Variants in ITGAE observed in about 807,000 individuals in gnomAD.
ITGAE encodes integrin alpha-E.
ITGAE carries 99 observed loss-of-function variants against 136.5 expected under a neutral mutation model. The observed-to-expected ratio is 0.73, with a 90% CI of 0.62 to 0.86. ITGAE has a LOEUF of 0.86. ITGAE is among the 40% of genes least tolerant of loss of function. The pLI is 0.00. For synonymous variants in ITGAE, 613 were observed against 591.8 expected, an observed-to-expected ratio of 1.04 and a Z score of -0.52; for missense variants, 1,447 against 1,515.3, an observed-to-expected ratio of 0.95 and a Z score of 0.75.
chr17:3,761,622 G>T, intron 4 of ITGAE, 102 bp from the exon 5 acceptor site: 1 of 1,098,952 alleles, frequency 9.1e-7, no homozygotes, highest in Non-Finnish European at 1.3e-6. Flanking sequence ...GGCTCAACCA[G>T]GCAGGGGGCA....
chr17:3,774,040 C>T (rs1226970045), intron 2 of ITGAE, among the ~76,000 whole-genome samples: 1 of 152,092 alleles, frequency 6.6e-6, no homozygotes, highest in Non-Finnish European at 1.5e-5. Context: ...TCCAAGTCTG[C>T]CTGGCTGTCA....
chr17:3,738,072 G>A (rs538289149), intron 20 of ITGAE, among the ~76,000 whole-genome samples: 14 of 152,264 alleles, frequency 9.2e-5, no homozygotes, highest in African/African-American at 2.9e-4. Flanking sequence ...GGGGAACTGC[G>A]TTCTTCCCCA....
Position 3,723,289 on chromosome 17 carries a change from T to G in ITGAE, c.3236A>C (p.Glu1079Ala), listed in dbSNP as rs775656147. 1.2e-6 allele frequency: 2 copies of G among 1,604,972 alleles called. No homozygotes were observed. The highest frequency in any genetic ancestry group is 8.5e-7 in the Non-Finnish European group (1 of 1,171,666). The change falls in exon 28 of 31, where the codon GAG becomes GCG. Residue 1079 changes from glutamate (E) to alanine (A), a missense_variant and splice_region_variant. Physicochemically the swap from Glu to Ala is moderately radical, Grantham distance 107 (BLOSUM62 -1). Transcript: ENST00000263087. ...AAEISWDHSE[E>A]LLKDVTELQI... ...CTGGAGCATTTCAGTCTCAAACACC[T>G]CCTCAGAGTGATCCCAGGAGATCTC...
At chr17:3,772,658 T>G (rs1413451117) in intron 2 of ITGAE, among the ~76,000 whole-genome samples, 1 of 152,052 alleles carries the variant, frequency 6.6e-6, no homozygotes, top group Non-Finnish European at 1.5e-5. Flanking sequence ...GGGACAAGGC[T>G]TCAGCATATT....
chr17:3,723,526 C>A, intron 27 of ITGAE, 143 bp from the exon 28 acceptor site: 1 of 991,878 alleles, frequency 1.0e-6, no homozygotes, highest in South Asian at 1.5e-5. Flanking sequence ...CCAAGCGAAG[C>A]TCCAGCGGGA....
intron 1 of ITGAE, among the ~76,000 whole-genome samples, chr17:3,788,899 C>T (rs978064710): frequency 2.7e-5 from 4 of 148,524 alleles, no homozygotes; most frequent in African/African-American, 9.9e-5. Context: ...GTATGTGAAA[C>T]ACACTGAATA....
Position 3,729,470 on chromosome 17 carries a change from G to A in ITGAE, c.2912+8C>T, listed in dbSNP as rs1248466520. 1.9e-6 allele frequency: 3 copies of A among 1,588,696 alleles called. No individual in the cohort carries two copies. The highest frequency in any genetic ancestry group is 2.2e-5 in the East Asian group (1 of 44,784). On this transcript the variant is annotated splice_region_variant and intron_variant, in intron 24 of 30. Coordinates refer to ENST00000263087, the MANE Select transcript of ITGAE (RefSeq NM_002208.5). ...TCACACCGCTGCTGGCCTCTTGGGAGTACTCACTTGGACAGAACTGCAACG... is the reference window on the plus strand; with the variant it reads ...TCACACCGCTGCTGGCCTCTTGGGAATACTCACTTGGACAGAACTGCAACG...
intron 19 of ITGAE, among the ~76,000 whole-genome samples, chr17:3,742,523 C>A (rs1033206976): frequency 1.1e-4 from 17 of 147,930 alleles, no homozygotes; most frequent in Non-Finnish European, 2.2e-4. Context: ...GGCACGATCT[C>A]GGTTCACTGC....
chr17:3,776,106 G>C (rs2052533634), intron 2 of ITGAE, among the ~76,000 whole-genome samples: 1 of 131,074 alleles, frequency 7.6e-6, no homozygotes, highest in Non-Finnish European at 1.5e-5. Context: ...CGCCCAGGCT[G>C]TAGTGCAATG....
chr17:3,798,163 C>A lies in ITGAE; in HGVS notation c.34+2948G>T, dbSNP rs920618725. On this transcript the variant is annotated intron_variant, in intron 1 of 30. Transcript: ENST00000263087. The surrounding 1 kb of genome is among the most constrained non-coding windows in gnomAD (Gnocchi z 4.3). ...CAGCTCTCCCCCACACACTGCATTC[C>A]GGGGGCATTTCACCTTTGCTTGGGC... Among the ~76,000 whole-genome samples, 1 of 152,224 alleles carries A rather than the reference C, an allele frequency of 6.6e-6. No homozygotes were observed. The highest frequency in any genetic ancestry group is 2.1e-4 in the South Asian group (1 of 4,836).
intron 26 of ITGAE, 190 bp from the exon 27 acceptor site, chr17:3,723,934 C>A: frequency 6.5e-7 from 1 of 1,549,024 alleles, no homozygotes; most frequent in Non-Finnish European, 8.7e-7. Flanking sequence ...CGGGTGCCGG[C>A]CATGGCGGCT....
In ITGAE at chr17:3,772,835, G is replaced by A. The variant is rs538886782; in HGVS notation, c.155+4705C>T. On this transcript the variant is annotated intron_variant, in intron 2 of 30. Coordinates refer to ENST00000263087, the MANE Select transcript of ITGAE (RefSeq NM_002208.5). ...ACTCTCTAATGATGTAGGAAACGTCGAGCTCTGTCTCCCCTGCAGCTCTCA... is the reference window on the plus strand; with the variant it reads ...ACTCTCTAATGATGTAGGAAACGTCAAGCTCTGTCTCCCCTGCAGCTCTCA... Among the ~76,000 whole-genome samples the A allele has an allele frequency of 7.0e-4, 107 of 152,192 alleles. 1 individual carries two copies. The highest frequency in any genetic ancestry group is 2.3e-3 in the African/African-American group (95 of 41,536).
At chr17:3,786,784 G>T (rs1212368473) in intron 1 of ITGAE, among the ~76,000 whole-genome samples, 2 of 151,640 alleles carry the variant, frequency 1.3e-5, no homozygotes, top group African/African-American at 4.8e-5. Flanking sequence ...CAGCTACTCG[G>T]GAGGCTGAGG....
intron 12 of ITGAE, 53 bp downstream of exon 12, chr17:3,755,064 A>AGGCCCCGGCCTCATCAGGT (rs2051978308): frequency 5.8e-5 from 44 of 752,386 alleles, no homozygotes; most frequent in Non-Finnish European, 8.2e-5. Flanking sequence ...GGGAGCCTCC[A>AGGCCCCGGCCTCATCAGGT]GGCCCCGCCC....
In ITGAE at chr17:3,747,544, C is replaced by T. The variant is rs191998803; in HGVS notation, c.2155+378G>A. 6.6e-3 allele frequency among the ~76,000 whole-genome samples: 1,011 copies of T among 152,196 alleles called. 14 individuals carry two copies. Among genetic ancestry groups the T allele is most frequent in the African/African-American group, 0.023 (960 of 41,498 alleles). ...CAGGATGGTCTCGATCTCCTGACCG[C>T]GTGATCTGCCCGCCTTGGCCTCCCA... On this transcript the variant is annotated intron_variant, in intron 17 of 30. Transcript: ENST00000263087.
At chr17:3,746,133 C>T (rs1296405623) in intron 17 of ITGAE, among the ~76,000 whole-genome samples, 1 of 152,186 alleles carries the variant, frequency 6.6e-6, no homozygotes, top group Non-Finnish European at 1.5e-5. Context: ...CTGAGTGCTC[C>T]CGCCCCAAAC....
chr17:3,777,545 C>T lies in ITGAE; in HGVS notation c.150G>A (p.Gln50=). The change falls in exon 2 of 31, where the codon CAG becomes CAA. Residue 50 remains glutamine (Q), a synonymous_variant. Transcript: ENST00000263087. ...TGCCCACCGGCCCTACTCACCAGGTCTGGTTGGTGCTGGGGTCTTGGTGCA... is the reference window on the plus strand; with the variant it reads ...TGCCCACCGGCCCTACTCACCAGGTTTGGTTGGTGCTGGGGTCTTGGTGCA... ...SLLHQDPSTN[Q]TWLLVTSPRT... is the part of the protein sequence containing the mutation. The T allele has an allele frequency of 6.2e-7, 1 of 1,612,488 alleles. No individual in the cohort carries two copies. The highest frequency in any genetic ancestry group is 8.5e-7 in the Non-Finnish European group (1 of 1,179,006).
chr17:3,751,860 G>A lies in ITGAE; in HGVS notation c.1683C>T (p.Ser561=). ...GGTGCCCACTCAGTATGCGTGCCAAGGAGAAAGAACCATCCTGTAAAGCAA... is the reference window on the plus strand; with the variant it reads ...GGTGCCCACTCAGTATGCGTGCCAAAGAGAAAGAACCATCCTGTAAAGCAA... ...YRLSEQDGSF[S]LARILSGHPG... is the part of the protein sequence containing the mutation. The change falls in exon 15 of 31, where the codon TCC becomes TCT. Residue 561 remains serine, a synonymous_variant. Coordinates refer to ENST00000263087, the MANE Select transcript of ITGAE (RefSeq NM_002208.5). 2 of 1,613,878 alleles carry A rather than the reference G, an allele frequency of 1.2e-6. No individual in the cohort carries two copies. The highest frequency in any genetic ancestry group is 1.7e-6 in the Non-Finnish European group (2 of 1,179,850).
intron 29 of ITGAE, among the ~76,000 whole-genome samples, chr17:3,718,577 G>A (rs2050985203): frequency 6.6e-6 from 1 of 152,222 alleles, no homozygotes; most frequent in Admixed American, 6.5e-5. Context: ...TACTCATAGA[G>A]TCACTGTAAG....
Sources: gnomAD v4.1 joint callset for allele counts (sites outside exome capture counted in the v4.1 genomes callset) on GRCh38, gnomAD v4.1.1 for gene constraint, Gnocchi (gnomAD v3.1) non-coding constraint, MANE v1.5 for transcripts, NCBI Gene and HGNC (gene_info 2026-07-23, HGNC 2026-07-21) for gene names.